The following ARHGAP32 variants were observed in gnomAD, a reference collection of about 807,000 sequenced individuals.
ARHGAP32 encodes Rho GTPase activating protein 32, also known as rho GTPase-activating protein 32.
A neutral mutation model predicts 186.5 loss-of-function variants in ARHGAP32; 51 were observed. The observed-to-expected ratio is 0.27, with a 90% CI of 0.22 to 0.35. ARHGAP32 has a LOEUF of 0.35. ARHGAP32 is among the 10% of genes least tolerant of loss of function. The probability of loss-of-function intolerance (pLI) is 1.00; values close to 1 mark genes in which losing one functional copy is unlikely to be tolerated. For synonymous variants in ARHGAP32, 950 were observed against 964.3 expected (o/e 0.99, Z 0.27); for missense variants, 2,186 against 2,623.5 (o/e 0.83, Z 3.64).
intron 1 of ARHGAP32, among the ~76,000 whole-genome samples, chr11:129,247,528 T>C (rs1381582630): frequency 1.3e-5 from 2 of 152,208 alleles, no homozygotes; most frequent in East Asian, 1.9e-4. Flanking sequence ...TTAATCTGCC[T>C]TCAAAGAAAT....
chr11:129,245,601 A>T (rs1591716473), intron 1 of ARHGAP32, among the ~76,000 whole-genome samples: 2 of 150,166 alleles, frequency 1.3e-5, no homozygotes, highest in African/African-American at 2.4e-5. Flanking sequence ...AAGTATAATA[A>T]AAATAAATAA....
At chr11:129,072,161 A>G (rs912294829) in intron 6 of ARHGAP32, among the ~76,000 whole-genome samples, 2 of 152,148 alleles carry the variant, frequency 1.3e-5, no homozygotes, top group Non-Finnish European at 2.9e-5. Flanking sequence ...ATGAATCACT[A>G]AAAAAAGAAA....
chr11:128,980,782 CAACT>C, intron 17 of ARHGAP32, 34 bp from the exon 18 acceptor site: 1 of 1,481,186 alleles, frequency 6.8e-7, no homozygotes, highest in Non-Finnish European at 9.3e-7. Flanking sequence ...TGAAGAGAGT[CAACT>C]ACGTGAGTGT....
chr11:129,219,964 C>A (rs1944691405), intron 1 of ARHGAP32, among the ~76,000 whole-genome samples: 1 of 152,002 alleles, frequency 6.6e-6, no homozygotes, highest in African/African-American at 2.4e-5. Context: ...TAAAACCTGG[C>A]CATACAGTTT....
chr11:129,219,414 C>T (rs771530922), intron 1 of ARHGAP32, among the ~76,000 whole-genome samples: 1 of 152,100 alleles, frequency 6.6e-6, no homozygotes, highest in Non-Finnish European at 1.5e-5. Flanking sequence ...GCTGAGACAC[C>T]TTTTTGGTAA....
At chr11:129,077,955 G>A (rs1422284379) in intron 6 of ARHGAP32, among the ~76,000 whole-genome samples, 1 of 152,150 alleles carries the variant, frequency 6.6e-6, no homozygotes, top group Admixed American at 6.5e-5. Context: ...TAACATCCTG[G>A]CTAACCACAG....
intron 1 of ARHGAP32, among the ~76,000 whole-genome samples, chr11:129,272,137 C>G (rs187773378): frequency 2.8e-4 from 43 of 152,192 alleles, no homozygotes; most frequent in African/African-American, 9.9e-4. Context: ...AAAAAAAGGA[C>G]AATAAATGTA....
intron 10 of ARHGAP32, among the ~76,000 whole-genome samples, chr11:129,047,991 T>G (rs1435415045): frequency 6.6e-6 from 1 of 152,206 alleles, no homozygotes; most frequent in Admixed American, 6.5e-5. Context: ...CCTCAGGTCC[T>G]TACTTTTTAG....
At chr11:129,005,696 G>A (rs889656400) in intron 11 of ARHGAP32, among the ~76,000 whole-genome samples, 5 of 151,854 alleles carry the variant, frequency 3.3e-5, no homozygotes, top group African/African-American at 1.2e-4. Context: ...TTGACCTTTG[G>A]CAGTATTATT....
At chr11:129,024,081 AG>A (rs1938722134) in intron 11 of ARHGAP32, 1 of 985,536 alleles carries the variant, frequency 1.0e-6, no homozygotes, top group Non-Finnish European at 1.2e-6. Context: ...CTGCAGCAGC[AG>A]TTTTCTTGGC....
At chr11:129,176,378 C>T (rs1390904281) in intron 1 of ARHGAP32, among the ~76,000 whole-genome samples, 1 of 64,152 alleles carries the variant, frequency 1.6e-5, no homozygotes, top group Non-Finnish European at 3.5e-5. Context: ...GACAGATCAA[C>T]GAGACAGAAA....
chr11:129,026,962 A>G (rs11221540), intron 11 of ARHGAP32, among the ~76,000 whole-genome samples: 98,387 of 150,676 alleles, frequency 0.65, 32,398 homozygotes, highest in Middle Eastern at 0.71. Flanking sequence ...AGCTGGGCAT[A>G]GTGGCGGGTG....
At chr11:129,073,782 C>A (rs570413076) in intron 6 of ARHGAP32, among the ~76,000 whole-genome samples, 74 of 147,596 alleles carry the variant, frequency 5.0e-4, no homozygotes, top group South Asian at 3.2e-3. Context: ...ACAACAACAA[C>A]AAAAAAAAAC....
intron 11 of ARHGAP32, among the ~76,000 whole-genome samples, chr11:129,024,593 C>G (rs1938749927): frequency 6.6e-6 from 1 of 152,104 alleles, no homozygotes; most frequent in Non-Finnish European, 1.5e-5. Context: ...CTTACACAGT[C>G]TCTGTGTGAA....
chr11:129,178,993 A>G (rs1943985649), intron 1 of ARHGAP32, among the ~76,000 whole-genome samples: 1 of 151,920 alleles, frequency 6.6e-6, no homozygotes, highest in Non-Finnish European at 1.5e-5. Context: ...AACTACCATC[A>G]GAGTGAACAG....
At chr11:129,104,235 G>A (rs1941986282) in intron 5 of ARHGAP32, among the ~76,000 whole-genome samples, 1 of 151,984 alleles carries the variant, frequency 6.6e-6, no homozygotes. Flanking sequence ...AAGTAAGGTA[G>A]AAATATTGAA....
At chr11:129,244,294 T>C (rs917018828) in intron 1 of ARHGAP32, among the ~76,000 whole-genome samples, 5 of 152,224 alleles carry the variant, frequency 3.3e-5, no homozygotes, top group Non-Finnish European at 7.3e-5. Flanking sequence ...TTTAACACTA[T>C]TCCTCAATTG....
chr11:129,169,210 T>C (rs1256441959), intron 1 of ARHGAP32, among the ~76,000 whole-genome samples: 1 of 152,110 alleles, frequency 6.6e-6, no homozygotes, highest in East Asian at 1.9e-4. Context: ...AAGCCAAAGG[T>C]TGATTCTTTA....
chr11:129,230,161 G>A (rs564451169), intron 1 of ARHGAP32, among the ~76,000 whole-genome samples: 1 of 152,198 alleles, frequency 6.6e-6, no homozygotes, highest in Non-Finnish European at 1.5e-5. Context: ...ATATGCTACT[G>A]AAGAATTGGG....
Sources: allele counts gnomAD v4.1 joint callset (sites outside exome capture counted in the v4.1 genomes callset), GRCh38; gene constraint gnomAD v4.1.1; transcripts MANE v1.5; gene names NCBI Gene and HGNC (gene_info 2026-07-23, HGNC 2026-07-21).